Variants in SCN9A observed in about 807,000 individuals in gnomAD.
SCN9A encodes sodium channel protein type 9 subunit alpha.
In SCN9A, 131 loss-of-function variants were observed where a neutral mutation model predicts 187.0. The observed-to-expected ratio is 0.70, with a 90% CI of 0.61 to 0.81. The LOEUF (loss-of-function observed/expected upper bound fraction) is 0.81. Ranked by LOEUF, SCN9A falls within the 30% of genes least tolerant of loss-of-function variation. The pLI is 0.00. For missense variants in SCN9A, 2,252 were observed against 2,396.6 expected, an observed-to-expected ratio of 0.94 and a Z score of 1.26; for synonymous variants, 809 against 808.6, an observed-to-expected ratio of 1.00 and a Z score of -0.01.
rs764006250 is a variant in SCN9A at position 166,277,004 on chromosome 2, G to A, written c.2853C>T (p.Val951=). Residue 951 remains valine (V), a synonymous_variant, in exon 16 of 27, where the codon GTC becomes GTT. Coordinates refer to ENST00000642356, the MANE Select transcript of SCN9A (RefSeq NM_001365536.1). ...QAMCLIVYMM[V]MVIGNLVVLN... ...ATACCACCAGGTTTCCAATGACCATGACCATCATGTAAACAATAAGGCACA... is the reference window on the plus strand; with the variant it reads ...ATACCACCAGGTTTCCAATGACCATAACCATCATGTAAACAATAAGGCACA... 48 of 1,613,360 alleles carry A rather than the reference G, an allele frequency of 3.0e-5. 1 individual carries two copies. Among genetic ancestry groups the A allele is most frequent in the African/African-American group, 5.3e-5 (4 of 74,856 alleles).
chr2:166,288,731 G>T, intron 9 of SCN9A, 88 bp from the exon 10 acceptor site: 1 of 941,082 alleles, frequency 1.1e-6, no homozygotes, highest in Non-Finnish European at 1.5e-6. Context: ...AAATCTGACA[G>T]TTTGGTATAA....
At chr2:166,214,511 T>C (rs1694239050) in intron 24 of SCN9A, among the ~76,000 whole-genome samples, 1 of 43,126 alleles carries the variant, frequency 2.3e-5, no homozygotes, top group Non-Finnish European at 4.3e-5. Context: ...TTCTTTTTTT[T>C]TTTTTTTTTT....
At chr2:166,269,125 GA>G (rs1021209151) in intron 17 of SCN9A, among the ~76,000 whole-genome samples, 1 of 151,658 alleles carries the variant, frequency 6.6e-6, no homozygotes, top group Non-Finnish European at 1.5e-5. Context: ...TATGTAATGA[GA>G]AAAAAATTAG....
chr2:166,205,907 G>A (rs1438416097), intron 24 of SCN9A, among the ~76,000 whole-genome samples: 1 of 152,146 alleles, frequency 6.6e-6, no homozygotes, highest in Non-Finnish European at 1.5e-5. Context: ...ACAGACATAT[G>A]AAAAAATGCT....
chr2:166,278,168 C>A lies in SCN9A; in HGVS notation c.2489G>T (p.Gly830Val). 1 of 1,612,894 alleles carries A rather than the reference C, an allele frequency of 6.2e-7. No homozygotes were observed. Among genetic ancestry groups the A allele is most frequent in the Admixed American group, 1.7e-5 (1 of 59,926 alleles). Residue 830 changes from glycine to valine, a missense_variant, in exon 15 of 27, where the codon GGA becomes GTA. By Grantham distance (109) the Gly-to-Val change is moderately radical (BLOSUM62 -3). Coordinates refer to ENST00000642356, the MANE Select transcript of SCN9A (RefSeq NM_001365536.1). The stretch of plus-strand genomic sequence containing the variant: ...TCTGAATGATCGCAGAACTGACAAT[C>A]CTTCCACATCTGCTAGAAAGAGCTC... ...LVELFLADVE[G>V]LSVLRSFRLL...
chr2:166,247,157 C>CAAAAAAAAAAAAAAAAAAAAAAA (rs35833662), intron 18 of SCN9A, among the ~76,000 whole-genome samples: 2 of 41,836 alleles, frequency 4.8e-5, no homozygotes, highest in Non-Finnish European at 8.1e-5. Flanking sequence ...CCAAAGCTCT[C>CAAAAAAAAAAAAAAAAAAAAAAA]AAAAAAAAAA....
intron 1 of SCN9A, among the ~76,000 whole-genome samples, chr2:166,374,289 T>C (rs1700633920): frequency 6.6e-6 from 1 of 152,218 alleles, no homozygotes; most frequent in African/African-American, 2.4e-5. Flanking sequence ...GAAACCTCCT[T>C]TTAAACCTCT....
chr2:166,363,331 G>A (rs1454382041), intron 1 of SCN9A, among the ~76,000 whole-genome samples: 1 of 151,912 alleles, frequency 6.6e-6, no homozygotes, highest in Non-Finnish European at 1.5e-5. Flanking sequence ...CCTTCTCTGT[G>A]CAAAGCCTTG....
chr2:166,322,889 A>T (rs1050655401), intron 1 of SCN9A, among the ~76,000 whole-genome samples: 2 of 152,128 alleles, frequency 1.3e-5, no homozygotes, highest in African/African-American at 4.8e-5. Flanking sequence ...AACTTTTCTG[A>T]TTCTAAAAAT....
At chr2:166,235,816 A>G (rs917648316) in intron 20 of SCN9A, among the ~76,000 whole-genome samples, 18 of 152,148 alleles carry the variant, frequency 1.2e-4, no homozygotes, top group African/African-American at 3.6e-4. Context: ...TAATATTTCA[A>G]ATTGGAGTTG....
At chr2:166,218,717 A>G (rs1280775288) in intron 24 of SCN9A, among the ~76,000 whole-genome samples, 1 of 152,164 alleles carries the variant, frequency 6.6e-6, no homozygotes, top group Non-Finnish European at 1.5e-5. Context: ...AAATTAACAA[A>G]TGGGATCTAA....
At chr2:166,327,240 C>A (rs777840632) in intron 1 of SCN9A, among the ~76,000 whole-genome samples, 29 of 152,108 alleles carry the variant, frequency 1.9e-4, no homozygotes, top group Non-Finnish European at 3.7e-4. Flanking sequence ...CTCACTGGAG[C>A]ATCATCCTCG....
intron 7 of SCN9A, among the ~76,000 whole-genome samples, chr2:166,297,254 T>TAG (rs1373802932): frequency 7.7e-6 from 1 of 129,454 alleles, no homozygotes; most frequent in Non-Finnish European, 1.6e-5. Context: ...ATCCCACTAC[T>TAG]AGGTATATAC....
intron 1 of SCN9A, among the ~76,000 whole-genome samples, chr2:166,366,414 T>A (rs1366831652): frequency 1.3e-5 from 2 of 152,216 alleles, no homozygotes; most frequent in Non-Finnish European, 2.9e-5. Flanking sequence ...TTCTTTACTC[T>A]TTTATCTGTT....
intron 12 of SCN9A, 117 bp from the exon 13 acceptor site, chr2:166,281,925 G>T (rs1015216553): frequency 3.3e-6 from 3 of 901,926 alleles, no homozygotes; most frequent in Non-Finnish European, 4.8e-6. Context: ...TAGATTGCTG[G>T]GTTCAAATTA....
intron 24 of SCN9A, among the ~76,000 whole-genome samples, chr2:166,206,142 G>A (rs960046542): frequency 6.6e-6 from 1 of 152,146 alleles, no homozygotes; most frequent in Non-Finnish European, 1.5e-5. Flanking sequence ...AATACCATTT[G>A]ACCCAGCAAT....
chr2:166,370,605 G>A (rs1574975188), intron 1 of SCN9A, among the ~76,000 whole-genome samples: 1 of 151,280 alleles, frequency 6.6e-6, no homozygotes, highest in South Asian at 2.1e-4. Flanking sequence ...GGGAGTCTAG[G>A]TGTGCATATA....
At chr2:166,242,767 C>T (rs1452476971) in intron 18 of SCN9A, 111 bp from the exon 19 acceptor site, 2 of 688,424 alleles carry the variant, frequency 2.9e-6, no homozygotes, top group Non-Finnish European at 2.3e-6. Flanking sequence ...CAAATAATTT[C>T]AACACCTATA....
intron 26 of SCN9A, among the ~76,000 whole-genome samples, chr2:166,200,484 C>T (rs1031870302): frequency 1.3e-5 from 2 of 151,858 alleles, no homozygotes; most frequent in African/African-American, 4.8e-5. Context: ...CAAGCAATAC[C>T]GTTAAATGCT....
Sources: allele counts gnomAD v4.1 joint callset (sites outside exome capture counted in the v4.1 genomes callset), GRCh38; gene constraint gnomAD v4.1.1; transcripts MANE v1.5; gene names NCBI Gene and HGNC (gene_info 2026-07-23, HGNC 2026-07-21).